The following TRIM44 variants were observed in gnomAD, a reference collection of about 807,000 sequenced individuals.
The protein encoded by TRIM44 is tripartite motif-containing protein 44.
A neutral mutation model predicts 37.4 loss-of-function variants in TRIM44; 13 were observed. That is an observed-to-expected ratio of 0.35 (90% CI 0.23 to 0.55). The LOEUF is 0.55. Among genes scored for constraint, TRIM44 ranks in the 20% least tolerant of loss-of-function variants. The pLI is 0.89. For synonymous variants in TRIM44, 175 were observed against 157.2 expected, an observed-to-expected ratio of 1.11 and a Z score of -0.85; for missense variants, 426 against 437.2, an observed-to-expected ratio of 0.97 and a Z score of 0.23.
chr11:35,731,344 G>A (rs571385843), intron 3 of TRIM44, among the ~76,000 whole-genome samples: 10 of 152,068 alleles, frequency 6.6e-5, no homozygotes, highest in African/African-American at 2.4e-4. Context: ...ATGATCATAC[G>A]CATTTTTTTC....
At position 35,691,176 on chromosome 11, in the gene TRIM44, G is replaced by T. The variant is rs533682659; in HGVS notation, c.747+5840G>T. Among the ~76,000 whole-genome samples, 193 of 152,304 alleles carry T rather than the reference G, an allele frequency of 1.3e-3. 1 individual carries two copies. The highest frequency in any genetic ancestry group is 2.1e-3 in the Non-Finnish European group (146 of 68,022). ...AGCCCTCGCTAAATGAAGAACTGAG[G>T]CAAGTGCTTCCACAGTTTGACCCGA... is the stretch of plus-strand genomic sequence containing the variant. On this transcript the variant is annotated intron_variant, in intron 2 of 4. Transcript: ENST00000299413.
chr11:35,732,908 AAAG>A (rs1852280486), intron 3 of TRIM44, among the ~76,000 whole-genome samples: 1 of 152,184 alleles, frequency 6.6e-6, no homozygotes, highest in Non-Finnish European at 1.5e-5. Flanking sequence ...TTGTTTCTGA[AAAG>A]AAGCATACAT....
chr11:35,787,746 T>C (rs971052920), intron 4 of TRIM44, among the ~76,000 whole-genome samples: 1 of 152,080 alleles, frequency 6.6e-6, no homozygotes, highest in African/African-American at 2.4e-5. Context: ...TGGTAGTGAG[T>C]GTCAATGTCA....
chr11:35,774,389 T>C (rs927304602), intron 4 of TRIM44, among the ~76,000 whole-genome samples: 10 of 152,242 alleles, frequency 6.6e-5, no homozygotes, highest in African/African-American at 2.4e-4. Context: ...GATGGGTAGA[T>C]TGTAAAAATT....
At chr11:35,757,229 G>T (rs1055506611) in intron 4 of TRIM44, among the ~76,000 whole-genome samples, 2 of 152,152 alleles carry the variant, frequency 1.3e-5, no homozygotes, top group East Asian at 3.9e-4. Context: ...GTTTAGTCTT[G>T]GGAGGGCGTA....
Position 35,813,320 on chromosome 11 carries a change from C to T in TRIM44, c.*6935C>T, listed in dbSNP as rs1853547072. On this transcript the variant is annotated 3_prime_UTR_variant, in exon 5 of 5. Transcript: ENST00000299413. ...AGACAGAACTAGAAAAATCTAGAAC[C>T]TCTGCTGAACCCATCAAAAGTGACT... 6.6e-6 allele frequency: 1 copy of T among 152,172 alleles called. No individual in the cohort carries two copies. Among genetic ancestry groups the T allele is most frequent in the Non-Finnish European group, 1.5e-5 (1 of 68,026 alleles). 9.4% of individuals were successfully genotyped at this position (152,172 alleles called of 1,614,324 possible).
intron 4 of TRIM44, among the ~76,000 whole-genome samples, chr11:35,797,170 GA>G (rs1853304007): frequency 6.6e-6 from 1 of 152,144 alleles, no homozygotes; most frequent in African/African-American, 2.4e-5. Flanking sequence ...TATTGATGGG[GA>G]TATGTCAATG....
chr11:35,730,621 G>T (rs1374048612), intron 3 of TRIM44, among the ~76,000 whole-genome samples: 2 of 152,116 alleles, frequency 1.3e-5, no homozygotes, highest in African/African-American at 4.8e-5. Context: ...CATTAGCTCT[G>T]CAGAACAGCA....
At chr11:35,692,472 G>A (rs1385534247) in intron 2 of TRIM44, among the ~76,000 whole-genome samples, 1 of 152,152 alleles carries the variant, frequency 6.6e-6, no homozygotes, top group Non-Finnish European at 1.5e-5. Flanking sequence ...AAATATTTGT[G>A]TTATGCTAGT....
intron 4 of TRIM44, among the ~76,000 whole-genome samples, chr11:35,781,542 G>A (rs1853065855): frequency 6.6e-6 from 1 of 152,164 alleles, no homozygotes; most frequent in Non-Finnish European, 1.5e-5. Context: ...GAGTCAGTGG[G>A]AAGCCTCCAG....
At chr11:35,793,764 C>T (rs772968501) in intron 4 of TRIM44, among the ~76,000 whole-genome samples, 3 of 152,082 alleles carry the variant, frequency 2.0e-5, no homozygotes, top group African/African-American at 4.8e-5. Context: ...CCTCATTGCC[C>T]GGGGCCAAAA....
chr11:35,686,424 T>G (rs1315369485), intron 2 of TRIM44, among the ~76,000 whole-genome samples: 3 of 151,748 alleles, frequency 2.0e-5, no homozygotes, highest in Non-Finnish European at 4.4e-5. Flanking sequence ...GAGTATCTAC[T>G]GAGAGTCAGG....
chr11:35,748,285 C>T (rs1266978330), intron 4 of TRIM44, among the ~76,000 whole-genome samples: 11 of 152,012 alleles, frequency 7.2e-5, no homozygotes, highest in Non-Finnish European at 1.5e-4. Context: ...TTCTTTGGGT[C>T]GAATAGGGGA....
intron 1 of TRIM44, among the ~76,000 whole-genome samples, chr11:35,677,108 T>C (rs1851467405): frequency 6.6e-6 from 1 of 152,216 alleles, no homozygotes; most frequent in South Asian, 2.1e-4. Flanking sequence ...TGTTTTCCAT[T>C]TTATGTATGA....
intron 1 of TRIM44, among the ~76,000 whole-genome samples, chr11:35,677,056 C>G (rs1851466900): frequency 6.6e-6 from 1 of 152,138 alleles, no homozygotes; most frequent in Non-Finnish European, 1.5e-5. Context: ...TATATTGTTT[C>G]ATTTGATCCT....
At position 35,809,584 on chromosome 11, in the gene TRIM44, G is replaced by A. The variant is rs954669376; in HGVS notation, c.*3199G>A. ...TCATGCCATCTTCCATAAATAAGGT[G>A]TTTCTTGGCCTTCAAAGATATAGAA... is the stretch of plus-strand genomic sequence containing the variant. On this transcript the variant is annotated 3_prime_UTR_variant, in exon 5 of 5. Transcript: ENST00000299413. 3 of 152,114 alleles carry A rather than the reference G, an allele frequency of 2.0e-5. No homozygotes were observed. Among genetic ancestry groups the A allele is most frequent in the African/African-American group, 7.2e-5 (3 of 41,432 alleles). The allele number at this position is 152,114 out of a possible 1,614,324, so 9.4% of individuals were successfully genotyped here.
At chr11:35,795,956 C>T (rs1166418006) in intron 4 of TRIM44, among the ~76,000 whole-genome samples, 1 of 152,194 alleles carries the variant, frequency 6.6e-6, no homozygotes, top group African/African-American at 2.4e-5. Context: ...CTAATTTAAT[C>T]CTTCCAGCAG....
intron 2 of TRIM44, among the ~76,000 whole-genome samples, chr11:35,699,137 G>C (rs1015525091): frequency 6.8e-6 from 1 of 147,768 alleles, no homozygotes; most frequent in African/African-American, 2.5e-5. Flanking sequence ...CTGTTCCATT[G>C]GTCTGTATAT....
chr11:35,775,864 C>T (rs539845621), intron 4 of TRIM44, among the ~76,000 whole-genome samples: 3 of 152,242 alleles, frequency 2.0e-5, no homozygotes, highest in South Asian at 2.1e-4. Context: ...CTGCTGGATT[C>T]GGTTTGCCAG....
Sources: gnomAD v4.1 joint callset for allele counts (sites outside exome capture counted in the v4.1 genomes callset) on GRCh38, gnomAD v4.1.1 for gene constraint, MANE v1.5 for transcripts, NCBI Gene and HGNC (gene_info 2026-07-23, HGNC 2026-07-21) for gene names.